The following MUC5AC variants were observed in gnomAD, a reference collection of about 807,000 sequenced individuals.
The protein encoded by MUC5AC is mucin 5AC, oligomeric mucus/gel-forming.
In MUC5AC, 158 loss-of-function variants were observed where a neutral mutation model predicts 169.7. That is an observed-to-expected ratio of 0.93 (90% CI 0.82 to 1.06). The LOEUF (loss-of-function observed/expected upper bound fraction) is 1.06. Among genes scored for constraint, MUC5AC ranks in the 50% least tolerant of loss-of-function variants. MUC5AC has a pLI of 0.00. For missense variants in MUC5AC, 4,359 were observed against 3,089.9 expected, an observed-to-expected ratio of 1.41 and a Z score of -9.74; for synonymous variants, 1,975 against 1,237.0, an observed-to-expected ratio of 1.60 and a Z score of -12.52.
Position 1,168,901 on chromosome 11 carries a change from T to C in MUC5AC, c.1745T>C (p.Phe582Ser), listed in dbSNP as rs748492748. The change falls in exon 15 of 49, where the codon TTC becomes TCC. Residue 582 changes from phenylalanine to serine, a missense_variant. Transcript: ENST00000621226. ...TTCAACAGCATCCAGGCCGATGACT[T>C]CCGGACCCTCAGTGGGGTGGTGGAG... ...GNFNSIQADD[F>S]RTLSGVVEAT... 1 of 1,610,158 alleles carries C rather than the reference T, an allele frequency of 6.2e-7. No homozygotes were observed. Among genetic ancestry groups the C allele is most frequent in the Admixed American group, 1.7e-5 (1 of 59,734 alleles).
intron 2 of MUC5AC, 44 bp from the exon 3 acceptor site, chr11:1,161,483 C>A (rs769042169): frequency 1.0e-5 from 15 of 1,501,474 alleles, no homozygotes; most frequent in South Asian, 3.8e-5. Context: ...GCCCCCGCCC[C>A]ACGTGGGGCC....
chr11:1,166,031 C>T (rs372548242), intron 11 of MUC5AC, among the ~76,000 whole-genome samples: 2 of 152,166 alleles, frequency 1.3e-5, no homozygotes, highest in African/African-American at 4.8e-5. Context: ...ATTTAACAGA[C>T]TTTACTCTTG....
rs1323051623 is a variant in MUC5AC, at chr11:1,192,872, A to C, written c.14470A>C (p.Ser4824Arg). 1 of 764,812 alleles carries C rather than the reference A, an allele frequency of 1.3e-6. No individual in the cohort carries two copies. Among genetic ancestry groups the C allele is most frequent in the East Asian group, 2.4e-5 (1 of 41,244 alleles). The allele number at this position is 764,812 out of a possible 1,614,324, so 47.4% of individuals were successfully genotyped here. ...CTGCCAAGTGGTCAGAGGGGTTGACAGTGACTGTCCGTCCACCACGCTGCC... is the reference window on the plus strand; with the variant it reads ...CTGCCAAGTGGTCAGAGGGGTTGACCGTGACTGTCCGTCCACCACGCTGCC... ...QDCQVVRGVD[S>R]DCPSTTLPPA... Residue 4824 changes from serine (S) to arginine (R), a missense_variant, in exon 32 of 49, where the codon AGT becomes CGT. Physicochemically the swap from Ser to Arg is moderately radical, Grantham distance 110. Coordinates refer to ENST00000621226, the MANE Select transcript of MUC5AC (RefSeq NM_001304359.2).
At chr11:1,197,012 C>G (rs1378439511) in intron 40 of MUC5AC, 104 bp downstream of exon 40, 1 of 682,078 alleles carries the variant, frequency 1.5e-6, no homozygotes, top group Non-Finnish European at 2.7e-6. Flanking sequence ...GCTCAGGGGT[C>G]GGGGTGTCCT....
At chr11:1,161,327 C>G (rs1277989788) in intron 2 of MUC5AC, among the ~76,000 whole-genome samples, 200 bp from the exon 3 acceptor site, 1 of 150,742 alleles carries the variant, frequency 6.6e-6, no homozygotes, top group African/African-American at 2.4e-5. Flanking sequence ...GAAAAAGTCA[C>G]CGAACGCAGG....
At position 1,192,380 on chromosome 11, in the gene MUC5AC, T is replaced by A. The variant is rs1301506167; in HGVS notation, c.14235T>A (p.Asn4745Lys). 3.9e-6 allele frequency: 3 copies of A among 765,006 alleles called. No individual in the cohort carries two copies. The African/African-American group carries it at 5.1e-5, about 13-fold the overall frequency. 47.4% of individuals were successfully genotyped at this position (765,006 alleles called of 1,614,324 possible). A position where few individuals can be genotyped will look rare whatever the true frequency, so the allele number is the denominator to read the frequency against. ...SVTPYGTSPTNALYPSLSTSM... is the reference protein window; with the variant it reads ...SVTPYGTSPTKALYPSLSTSM... The stretch of plus-strand genomic sequence containing the variant: ...CCCCATATGGGACTTCTCCTACCAA[T>A]GCTCTGTATCCTTCCCTGTCTACTT... Residue 4745 changes from asparagine to lysine, a missense_variant, in exon 31 of 49, where the codon AAT (asparagine) becomes AAA (lysine). By Grantham distance (94) the Asn-to-Lys change is moderately conservative. Coordinates refer to ENST00000621226, the MANE Select transcript of MUC5AC (RefSeq NM_001304359.2).
In MUC5AC at chr11:1,194,556, G is replaced by A. The variant is rs772179907; in HGVS notation, c.15076G>A (p.Val5026Ile). The change falls in exon 35 of 49, where the codon GTC becomes ATC. Residue 5026 changes from valine (V) to isoleucine (I), a missense_variant. By Grantham distance (29) the Val-to-Ile change is conservative (BLOSUM62 3). Transcript: ENST00000621226. ...CGGCATCGTGGTCTCGCGCATCGGC[G>A]TCAAGATGTACGCGACCATCCCGGA... ...KNGIVVSRIG[V>I]KMYATIPELG... The A allele has an allele frequency of 9.2e-6, 7 of 764,078 alleles. No homozygotes were observed. Among genetic ancestry groups the A allele is most frequent in the South Asian group, 4.0e-5 (3 of 74,462 alleles). 47.3% of individuals were successfully genotyped at this position (764,078 alleles called of 1,614,324 possible). A position where few individuals can be genotyped will look rare whatever the true frequency, so the allele number is the denominator to read the frequency against.
Position 1,178,489 on chromosome 11 carries a change from A to T in MUC5AC, c.3133A>T (p.Asn1045Tyr). 9.6e-7 allele frequency: 1 copy of T among 1,038,794 alleles called. No individual in the cohort carries two copies. The highest frequency in any genetic ancestry group is 1.3e-6 in the Non-Finnish European group (1 of 773,116). 64.3% of individuals were successfully genotyped at this position (1,038,794 alleles called of 1,614,324 possible). A position where few individuals can be genotyped will look rare whatever the true frequency, so the allele number is the denominator to read the frequency against. Residue 1045 changes from asparagine to tyrosine, a missense_variant, in exon 25 of 49, where the codon AAT becomes TAT. Physicochemically the swap from Asn to Tyr is moderately radical, Grantham distance 143 (BLOSUM62 -2). Transcript: ENST00000621226. ...TGGGAACTTCGACGACATCGCCGTT[A>T]ATGACTTTGCCACGCGGAGCCGGTC... ...LCGNFDDIAV[N>Y]DFATRSRSVV...
chr11:1,200,487 G>A lies in MUC5AC; in HGVS notation c.16750G>A (p.Glu5584Lys), dbSNP rs1276828281. Residue 5584 changes from glutamate to lysine, a missense_variant, in exon 49 of 49, where the codon GAG becomes AAG. By Grantham distance (56) the Glu-to-Lys change is moderately conservative (BLOSUM62 1). Transcript: ENST00000621226. ...TVEHRCQCCQ[E>K]LRTSLRNVTL... ...GGAGCACAGGTGCCAGTGCTGCCAGGAGCTGCGGACCTCGCTGAGGAATGT... is the reference window on the plus strand; with the variant it reads ...GGAGCACAGGTGCCAGTGCTGCCAGAAGCTGCGGACCTCGCTGAGGAATGT... The A allele has an allele frequency of 5.4e-6, 4 of 737,716 alleles. No individual in the cohort carries two copies. The highest frequency in any genetic ancestry group is 9.9e-6 in the Non-Finnish European group (4 of 404,894). The allele number at this position is 737,716 out of a possible 1,614,324, so 45.7% of individuals were successfully genotyped here.
chr11:1,163,115 A>G (rs1860193273), intron 6 of MUC5AC, 70 bp downstream of exon 6: 1 of 1,389,754 alleles, frequency 7.2e-7, no homozygotes, highest in Non-Finnish European at 1.0e-6. Flanking sequence ...GTGCACACAC[A>G]CCCTCTGACA....
intron 19 of MUC5AC, 118 bp from the exon 20 acceptor site, chr11:1,176,033 C>T (rs1441853752): frequency 7.5e-6 from 3 of 398,032 alleles, no homozygotes; most frequent in Non-Finnish European, 1.3e-5. Flanking sequence ...CACACCCACT[C>T]ATGCACACGC....
intron 19 of MUC5AC, 87 bp from the exon 20 acceptor site, chr11:1,176,064 C>A: frequency 2.5e-6 from 1 of 398,266 alleles, no homozygotes; most frequent in Non-Finnish European, 4.4e-6. Context: ...TGTGCACGCA[C>A]ATGGCACAGA....
chr11:1,173,513 TC>T (rs1429737603), intron 16 of MUC5AC, among the ~76,000 whole-genome samples: 9 of 104,640 alleles, frequency 8.6e-5, no homozygotes, highest in African/African-American at 3.1e-4. Context: ...CCTCATTCAT[TC>T]CTTCACTCAC....
chr11:1,185,718 A>T lies in MUC5AC; in HGVS notation c.7573A>T (p.Thr2525Ser). ...STTSASTTST[T>S]SGAGTTPSPV... ...AACCTCTGCTTCTACAACCAGCACA[A>T]CCTCTGGTGCTGGAACTACTCCCAG... The change falls in exon 31 of 49, where the codon ACC becomes TCC. Residue 2525 changes from threonine (T) to serine (S), a missense_variant. By Grantham distance (58) the Thr-to-Ser change is moderately conservative. Coordinates refer to ENST00000621226, the MANE Select transcript of MUC5AC (RefSeq NM_001304359.2). 1 of 744,650 alleles carries T rather than the reference A, an allele frequency of 1.3e-6. No individual in the cohort carries two copies. The highest frequency in any genetic ancestry group is 2.5e-6 in the Non-Finnish European group (1 of 407,334). 46.1% of individuals were successfully genotyped at this position (744,650 alleles called of 1,614,324 possible).
intron 19 of MUC5AC, among the ~76,000 whole-genome samples, chr11:1,175,869 A>G (rs1160351729): frequency 2.8e-5 from 1 of 36,134 alleles, no homozygotes; most frequent in African/African-American, 1.1e-4. Context: ...ACACGCTCAC[A>G]CATCCACTCA....
chr11:1,178,882 C>T (rs1860746706), intron 25 of MUC5AC, among the ~76,000 whole-genome samples, 199 bp downstream of exon 25: 1 of 152,210 alleles, frequency 6.6e-6, no homozygotes, highest in South Asian at 2.1e-4. Flanking sequence ...TTTCGGGGCC[C>T]TGGGGGGTGT....
chr11:1,197,696 C>A, intron 41 of MUC5AC, 57 bp downstream of exon 41: 1 of 647,304 alleles, frequency 1.5e-6, no homozygotes, highest in Admixed American at 2.1e-5. Context: ...CCGGAGCCCA[C>A]TCGGCCCGGA....
chr11:1,176,785 G>T, intron 21 of MUC5AC, 120 bp downstream of exon 21: 1 of 398,502 alleles, frequency 2.5e-6, no homozygotes, highest in Non-Finnish European at 4.4e-6. Context: ...CAGACTCAGG[G>T]CTGGACGCCA....
At chr11:1,164,933 C>T (rs1483421582) in intron 9 of MUC5AC, among the ~76,000 whole-genome samples, 1 of 124,526 alleles carries the variant, frequency 8.0e-6, no homozygotes, top group Non-Finnish European at 1.6e-5. Context: ...TCCTGAGCCC[C>T]CTGAGGCTGG....
Sources: allele counts gnomAD v4.1 joint callset (sites outside exome capture counted in the v4.1 genomes callset), GRCh38; gene constraint gnomAD v4.1.1; transcripts MANE v1.5; gene names NCBI Gene and HGNC (gene_info 2026-07-23, HGNC 2026-07-21).